ZSCAN5B: variants seen among roughly 807,000 people sequenced by gnomAD.
ZSCAN5B encodes zinc finger and SCAN domain-containing protein 5B.
ZSCAN5B carries 26 observed loss-of-function variants against 25.2 expected under a neutral mutation model. The ratio of observed to expected loss-of-function variants is 1.03; its 90% CI spans 0.76 to 1.43. ZSCAN5B has a LOEUF of 1.43. ZSCAN5B is among the 40% of genes most tolerant of loss of function. The pLI is 0.00. For synonymous variants in ZSCAN5B, 244 were observed against 240.9 expected (o/e 1.01, Z -0.12); for missense variants, 745 against 622.1 (o/e 1.20, Z -2.10).
At chr19:56,193,765 A>T (rs2032771519) in intron 1 of ZSCAN5B, among the ~76,000 whole-genome samples, 2 of 152,194 alleles carry the variant, frequency 1.3e-5, no homozygotes, top group East Asian at 1.9e-4. Context: ...GATCGAGACC[A>T]TCCTGGCTAA....
chr19:56,193,567 T>C (rs1272876482), intron 1 of ZSCAN5B, among the ~76,000 whole-genome samples: 13 of 152,232 alleles, frequency 8.5e-5, no homozygotes, highest in Middle Eastern at 3.2e-3. Flanking sequence ...TGTAAAAAGC[T>C]AGAGAAAAAT....
At chr19:56,196,687 G>A (rs1219363379) in intron 1 of ZSCAN5B, among the ~76,000 whole-genome samples, 4 of 152,170 alleles carry the variant, frequency 2.6e-5, no homozygotes, top group Admixed American at 2.6e-4. Context: ...GAGGTGGCAG[G>A]ATCACTTCAG....
At chr19:56,190,617 C>G (rs749621458) in intron 4 of ZSCAN5B, 42 bp from the exon 5 acceptor site, 4 of 1,592,024 alleles carry the variant, frequency 2.5e-6, no homozygotes, top group East Asian at 2.2e-5. Context: ...TTAACAAAGC[C>G]GATTTTCAAT....
chr19:56,197,177 CTT>C (rs112058807), intron 1 of ZSCAN5B, among the ~76,000 whole-genome samples: 13 of 144,616 alleles, frequency 9.0e-5, no homozygotes, highest in African/African-American at 7.6e-5. Flanking sequence ...TATTTTTCTC[CTT>C]TTTTTTTTTT....
intron 3 of ZSCAN5B, among the ~76,000 whole-genome samples, chr19:56,191,246 G>A (rs1287102702): frequency 1.3e-5 from 2 of 152,138 alleles, no homozygotes; most frequent in Non-Finnish European, 2.9e-5. Flanking sequence ...CCCTGCCCCT[G>A]ACGCTGGAAG....
chr19:56,190,165 G>T (rs2032707296), exon 5 of ZSCAN5B: 16 of 1,614,056 alleles, frequency 9.9e-6, no homozygotes, highest in Non-Finnish European at 1.0e-5. Context: ...AGATCACATT[G>T]AAAGGGTCTG....
At chr19:56,190,189 A>G (rs1472551073) in exon 5 of ZSCAN5B, 2 of 1,613,732 alleles carry the variant, frequency 1.2e-6, no homozygotes, top group Admixed American at 3.3e-5. Flanking sequence ...CCTGTGTGTG[A>G]CCTCCTGTGG....
At chr19:56,197,664 C>G (rs2032827561) in intron 1 of ZSCAN5B, 70 bp downstream of exon 1, 2 of 898,122 alleles carry the variant, frequency 2.2e-6, no homozygotes, top group Middle Eastern at 5.7e-4. Context: ...AAAATAAACC[C>G]AAACTTTCTG....
At chr19:56,194,637 AG>A (rs757177463) in intron 1 of ZSCAN5B, among the ~76,000 whole-genome samples, 1 of 151,968 alleles carries the variant, frequency 6.6e-6, no homozygotes, top group African/African-American at 2.4e-5. Context: ...ATGTTTTTTG[AG>A]GTGGAGTTTC....
chr19:56,190,942 G>T (rs779428730), exon 4 of ZSCAN5B: 3 of 1,614,018 alleles, frequency 1.9e-6, no homozygotes, highest in South Asian at 1.1e-5. Context: ...GGAGAGTTTG[G>T]GTCACCTGTT....
chr19:56,189,946 G>C, exon 5 of ZSCAN5B: 1 of 1,614,058 alleles, frequency 6.2e-7, no homozygotes, highest in Non-Finnish European at 8.5e-7. Context: ...GTGCGCTGGT[G>C]AACGTTCAGG....
At chr19:56,190,807 AC>A (rs756140389) in intron 4 of ZSCAN5B, 29 bp downstream of exon 4, 1 of 1,608,464 alleles carries the variant, frequency 6.2e-7, no homozygotes, top group Admixed American at 1.7e-5. Context: ...AGAGGGACTA[AC>A]CCCTGTGGAT....
intron 1 of ZSCAN5B, among the ~76,000 whole-genome samples, chr19:56,194,373 G>A (rs184110508): frequency 2.0e-5 from 3 of 151,826 alleles, no homozygotes; most frequent in African/African-American, 7.3e-5. Context: ...TGGTTCCCTC[G>A]GCCTCAACCT....
exon 5 of ZSCAN5B, chr19:56,190,059 C>G (rs201951462): frequency 1.9e-6 from 3 of 1,613,808 alleles, no homozygotes; most frequent in Non-Finnish European, 2.5e-6. Context: ...GTGGGCGAAC[C>G]GCTTTTGGCA....
At chr19:56,193,032 G>A (rs1277880287) in exon 2 of ZSCAN5B, 1 of 1,572,960 alleles carries the variant, frequency 6.4e-7, no homozygotes, top group South Asian at 1.1e-5. Context: ...GACCCCATGA[G>A]AGTGTCCAAT....
chr19:56,189,723 C>A, exon 5 of ZSCAN5B: 1 of 1,362,700 alleles, frequency 7.3e-7, no homozygotes, highest in African/African-American at 1.5e-5. Context: ...AACATCCGGG[C>A]AATTCCTACC....
At chr19:56,190,155 A>AGATCACATTGAAAGG in exon 5 of ZSCAN5B, 1 of 1,614,060 alleles carries the variant, frequency 6.2e-7, no homozygotes, top group Non-Finnish European at 8.5e-7. Context: ...CTTCCGACAG[A>AGATCACATTGAAAGG]GATCACATTG....
At chr19:56,197,576 T>C (rs2032826311) in intron 1 of ZSCAN5B, among the ~76,000 whole-genome samples, 158 bp downstream of exon 1, 2 of 152,080 alleles carry the variant, frequency 1.3e-5, no homozygotes, top group Non-Finnish European at 2.9e-5. Flanking sequence ...AAGCACTTCA[T>C]CGCCAGTCAG....
intron 1 of ZSCAN5B, among the ~76,000 whole-genome samples, chr19:56,193,499 A>T (rs1343568038): frequency 6.6e-6 from 1 of 152,238 alleles, no homozygotes; most frequent in Non-Finnish European, 1.5e-5. Context: ...CAATAATGTC[A>T]GTTCTTTATG....
Sources: gnomAD v4.1 joint callset for allele counts (sites outside exome capture counted in the v4.1 genomes callset) on GRCh38, gnomAD v4.1.1 for gene constraint, MANE v1.5 for transcripts, NCBI Gene and HGNC (gene_info 2026-07-23, HGNC 2026-07-21) for gene names.